The following MIPOL1 variants were observed in gnomAD, a reference collection of about 807,000 sequenced individuals.
MIPOL1 encodes mirror-image polydactyly 1, also known as mirror-image polydactyly gene 1 protein.
Under a neutral mutation model 60.9 loss-of-function variants are expected in MIPOL1, and 57 were observed. That is an observed-to-expected ratio of 0.94 (90% confidence interval 0.76 to 1.17). The LOEUF is 1.17. Ranked by LOEUF, MIPOL1 falls within the 50% of genes most tolerant of loss-of-function variation. MIPOL1 has a pLI of 0.00. For missense variants in MIPOL1, 551 were observed against 511.6 expected (o/e 1.08, Z -0.74); for synonymous variants, 179 against 168.8 (o/e 1.06, Z -0.47).
chr14:37,478,142 GC>G (rs2094806422), intron 11 of MIPOL1, among the ~76,000 whole-genome samples: 1 of 152,168 alleles, frequency 6.6e-6, no homozygotes, highest in South Asian at 2.1e-4. Context: ...AGAAGGATAA[GC>G]CATTGAAATT....
chr14:37,314,263 A>G (rs974765099), intron 9 of MIPOL1, among the ~76,000 whole-genome samples: 1 of 152,166 alleles, frequency 6.6e-6, no homozygotes, highest in Admixed American at 6.6e-5. Context: ...TTCATGTTCA[A>G]CATTGATAGA....
chr14:37,545,689 C>A (rs2095544854), intron 12 of MIPOL1: 1 of 654,196 alleles, frequency 1.5e-6, no homozygotes, highest in Non-Finnish European at 2.7e-6. Flanking sequence ...ACAAAATCAT[C>A]CAATAAACTT....
At chr14:37,474,067 T>C (rs565121167) in intron 11 of MIPOL1, among the ~76,000 whole-genome samples, 93 of 152,298 alleles carry the variant, frequency 6.1e-4, no homozygotes, top group South Asian at 2.9e-3. Context: ...ATATGCATTT[T>C]AAGTTCCTCC....
At chr14:37,390,142 C>A (rs2093195659) in intron 10 of MIPOL1, among the ~76,000 whole-genome samples, 1 of 151,920 alleles carries the variant, frequency 6.6e-6, no homozygotes, top group African/African-American at 2.4e-5. Flanking sequence ...TCACTTGAAC[C>A]TAGGAGGTGG....
rs774909774 is a variant in MIPOL1 at position 37,285,343 on chromosome 14, G to A, written c.519G>A (p.Ala173=). 5.0e-6 allele frequency: 8 copies of A among 1,613,890 alleles called. No homozygotes were observed. Among genetic ancestry groups the A allele is most frequent in the Middle Eastern group, 1.6e-4 (1 of 6,062 alleles). The change falls in exon 7 of 13, where the codon GCG becomes GCA. Residue 173 remains alanine, a synonymous_variant. Transcript: ENST00000684589. ...TAALVEEVYF[A]QKERDEAVMS... ...CTCTGGTTGAAGAAGTGTATTTTGC[G>A]CAGAAGGAACGTGATGAAGCTGTTA...
intron 11 of MIPOL1, among the ~76,000 whole-genome samples, chr14:37,464,997 A>G (rs2094581592): frequency 6.6e-6 from 1 of 152,274 alleles, no homozygotes; most frequent in East Asian, 1.9e-4. Context: ...GAAGCCCCAG[A>G]CATGTATCTG....
intron 9 of MIPOL1, among the ~76,000 whole-genome samples, chr14:37,322,604 T>C (rs931599587): frequency 1.3e-5 from 2 of 151,618 alleles, no homozygotes; most frequent in Non-Finnish European, 3.0e-5. Context: ...TACTCATTTA[T>C]TCATTTATTT....
intron 1 of MIPOL1, among the ~76,000 whole-genome samples, chr14:37,237,863 C>T (rs1433536217): frequency 6.6e-6 from 1 of 152,086 alleles, no homozygotes; most frequent in African/African-American, 2.4e-5. Context: ...TCCATATTCT[C>T]GTGGACTGCT....
At chr14:37,454,810 T>C (rs2094459112) in intron 11 of MIPOL1, among the ~76,000 whole-genome samples, 1 of 152,210 alleles carries the variant, frequency 6.6e-6, no homozygotes, top group African/African-American at 2.4e-5. Flanking sequence ...TTTCTCTCAG[T>C]ACTGAGCACA....
At chr14:37,375,374 A>AT (rs960732121) in intron 10 of MIPOL1, among the ~76,000 whole-genome samples, 12 of 151,808 alleles carry the variant, frequency 7.9e-5, no homozygotes, top group African/African-American at 2.2e-4. Flanking sequence ...TGCCCTGCTG[A>AT]TTTTTTTATT....
chr14:37,395,472 G>A lies in MIPOL1; in HGVS notation c.936+25848G>A, dbSNP rs571263841. ...CTTGTAGAGGTCTTTCACCTCCTTG[G>A]TTAGGTAGATTCCTAAATATTTTAT... On this transcript the variant is annotated intron_variant, in intron 10 of 12. Coordinates refer to ENST00000684589, the MANE Select transcript of MIPOL1 (RefSeq NM_001388067.1). 5.9e-5 allele frequency among the ~76,000 whole-genome samples: 9 copies of A among 152,130 alleles called. No individual in the cohort carries two copies. In the East Asian group the frequency reaches 1.5e-3, roughly 26 times the overall value.
intron 10 of MIPOL1, among the ~76,000 whole-genome samples, chr14:37,389,313 A>G (rs1468122293): frequency 1.3e-5 from 2 of 152,076 alleles, no homozygotes; most frequent in Non-Finnish European, 2.9e-5. Context: ...ATGTAGTAAA[A>G]CACACTTCAT....
intron 7 of MIPOL1, among the ~76,000 whole-genome samples, chr14:37,307,171 A>G (rs2153433085): frequency 6.6e-6 from 1 of 151,908 alleles, no homozygotes; most frequent in East Asian, 1.9e-4. Flanking sequence ...GAGCACAGAA[A>G]CGGGGAAAAC....
chr14:37,319,207 T>G (rs1367693914), intron 9 of MIPOL1, among the ~76,000 whole-genome samples: 1 of 152,178 alleles, frequency 6.6e-6, no homozygotes, highest in African/African-American at 2.4e-5. Flanking sequence ...GTTTTGAGAA[T>G]GGGAACATTT....
intron 1 of MIPOL1, among the ~76,000 whole-genome samples, chr14:37,245,711 G>A (rs377489988): frequency 1.3e-5 from 2 of 152,102 alleles, no homozygotes; most frequent in African/African-American, 4.8e-5. Flanking sequence ...AACATTTATT[G>A]TGCTAATTGC....
intron 11 of MIPOL1, among the ~76,000 whole-genome samples, chr14:37,444,595 G>A (rs962878512): frequency 1.3e-5 from 2 of 152,100 alleles, no homozygotes; most frequent in Admixed American, 1.3e-4. Context: ...CACAGTTGGA[G>A]GAATACCTGA....
At chr14:37,252,455 T>C (rs1974266928) in intron 3 of MIPOL1, among the ~76,000 whole-genome samples, 2 of 151,968 alleles carry the variant, frequency 1.3e-5, no homozygotes, top group South Asian at 4.1e-4. Flanking sequence ...TATTTTAGAA[T>C]TGGACTGGCA....
At chr14:37,443,734 T>A (rs1177737489) in intron 11 of MIPOL1, among the ~76,000 whole-genome samples, 2 of 145,428 alleles carry the variant, frequency 1.4e-5, no homozygotes, top group East Asian at 4.0e-4. Context: ...CCAAAGTCCT[T>A]CATGATGATA....
At chr14:37,290,938 C>G (rs181806234) in intron 7 of MIPOL1, among the ~76,000 whole-genome samples, 3 of 152,138 alleles carry the variant, frequency 2.0e-5, no homozygotes, top group Non-Finnish European at 2.9e-5. Flanking sequence ...AAGTTAGCTC[C>G]CACTTATGAG....
Sources: allele counts gnomAD v4.1 joint callset (sites outside exome capture counted in the v4.1 genomes callset), GRCh38; gene constraint gnomAD v4.1.1; transcripts MANE v1.5; gene names NCBI Gene and HGNC (gene_info 2026-07-23, HGNC 2026-07-21).